The following PDZD9 variants were observed in gnomAD, a reference collection of about 807,000 sequenced individuals.
PDZD9 encodes the protein PDZ domain-containing protein 9.
In PDZD9, 13 loss-of-function variants were observed where a neutral mutation model predicts 16.3. The ratio of observed to expected loss-of-function variants is 0.80; its 90% confidence interval spans 0.52 to 1.27. The LOEUF (loss-of-function observed/expected upper bound fraction) is 1.27, where lower values mean the gene tolerates loss of function less well. Ranked by LOEUF, PDZD9 falls within the 50% of genes most tolerant of loss-of-function variation. The pLI, the probability that PDZD9 is intolerant of heterozygous loss-of-function variation, is 0.00. For missense variants in PDZD9, 288 were observed against 310.9 expected, an observed-to-expected ratio of 0.93 and a Z score of 0.55; for synonymous variants, 120 against 111.0, an observed-to-expected ratio of 1.08 and a Z score of -0.51.
chr16:21,984,813 T>C (rs1044054220), intron 3 of PDZD9, among the ~76,000 whole-genome samples, 153 bp from the exon 4 acceptor site: 5 of 152,248 alleles, frequency 3.3e-5, no homozygotes, highest in Non-Finnish European at 7.3e-5. Flanking sequence ...TTCTCTTTTT[T>C]AAATCGTCTT....
At chr16:21,968,743 C>G in the PDZD9 span, 1 of 1,492,108 alleles carries the variant, frequency 6.7e-7, no homozygotes, top group Non-Finnish European at 9.1e-7. Flanking sequence ...GTTCCTTAAA[C>G]TGTAATTACG....
rs1166052351 is a variant in PDZD9, at chr16:21,984,235, G to A, written c.*32C>T. On this transcript the variant is annotated 3_prime_UTR_variant, in exon 4 of 4. Transcript: ENST00000424898. ...GGTGAGGCACAAAACTTGGGTGTCT[G>A]CAAGATAAATGCTCATATGACCACA... The A allele has an allele frequency of 1.9e-6, 3 of 1,572,690 alleles. No homozygotes were observed. Among genetic ancestry groups the A allele is most frequent in the Non-Finnish European group, 2.6e-6 (3 of 1,157,544 alleles).
chr16:21,976,039 A>G, the PDZD9 span: 1 of 614,914 alleles, frequency 1.6e-6, no homozygotes, highest in Middle Eastern at 2.6e-4. Flanking sequence ...AGCATTCCGC[A>G]TGGACACTGT....
Position 21,988,688 on chromosome 16 carries a change from G to C in PDZD9, c.315C>G (p.Ile105Met), listed in dbSNP as rs983055520. The C allele has an allele frequency of 5.6e-6, 9 of 1,612,952 alleles. No individual in the cohort carries two copies. The highest frequency in any genetic ancestry group is 7.6e-6 in the Non-Finnish European group (9 of 1,179,142). The change falls in exon 3 of 4, where the codon ATC (isoleucine) becomes ATG (methionine). Residue 105 changes from isoleucine (I) to methionine (M), a missense_variant. Ile to Met is a conservative substitution (Grantham distance 10). Coordinates refer to ENST00000424898, the MANE Select transcript of PDZD9 (RefSeq NM_001363519.1). The part of the protein sequence containing the change: ...QHITIGTVLQ[I>M]KVYRDFINIP... ...TGTTAATAAAATCTCGGTAAACCTT[G>C]ATTTGTAGCACTGTTCCAATAGTGA...
At chr16:21,980,768 A>G, downstream of PDZD9, 1 of 1,573,622 alleles carries the variant, frequency 6.4e-7, no homozygotes, top group Non-Finnish European at 8.7e-7. Flanking sequence ...TTTCAGAAGG[A>G]TGCATAAGCG....
At chr16:21,963,729 A>G in the PDZD9 span, among the ~76,000 whole-genome samples, 1 of 152,064 alleles carries the variant, frequency 6.6e-6, no homozygotes, top group African/African-American at 2.4e-5. Context: ...TCAGCTTCCC[A>G]AAGTGCTGGG....
chr16:21,984,765 T>C, intron 3 of PDZD9, 105 bp from the exon 4 acceptor site: 1 of 803,404 alleles, frequency 1.2e-6, no homozygotes, highest in Non-Finnish European at 1.8e-6. Context: ...AAAGATACAA[T>C]TTAGCTTTAG....
the PDZD9 span, chr16:21,962,688 T>TA: frequency 6.2e-7 from 1 of 1,606,986 alleles, no homozygotes; most frequent in Non-Finnish European, 8.5e-7. Flanking sequence ...TTGAGAGCAT[T>TA]ACAGCTATGT....
chr16:21,992,094 TG>T (rs1899036755), intron 2 of PDZD9, among the ~76,000 whole-genome samples: 1 of 152,140 alleles, frequency 6.6e-6, no homozygotes, highest in African/African-American at 2.4e-5. Context: ...CCAGGTGAAG[TG>T]GCTCATGCCT....
downstream of PDZD9, chr16:21,980,638 T>C (rs369592066): frequency 1.7e-5 from 27 of 1,614,120 alleles, no homozygotes; most frequent in Non-Finnish European, 2.3e-5. Context: ...TGCTGGTTCT[T>C]ACATGCCACC....
In PDZD9 at chr16:21,988,714, T is replaced by C. The variant is rs1436608032; in HGVS notation, c.289A>G (p.Ile97Val). The C allele has an allele frequency of 9.3e-6, 15 of 1,613,020 alleles. No homozygotes were observed. The highest frequency in any genetic ancestry group is 1.3e-5 in the African/African-American group (1 of 74,892). Residue 97 changes from isoleucine (I) to valine (V), a missense_variant, in exon 3 of 4, where the codon ATC becomes GTC. By Grantham distance (29) the Ile-to-Val change is conservative. Transcript: ENST00000424898. ...LREFLQLLQH[I>V]TIGTVLQIKV... ...ATTTGTAGCACTGTTCCAATAGTGA[T>C]ATGTTGCAAAAGCTGTAAAAATTCT...
At chr16:21,983,254 A>G (rs1403378136), downstream of PDZD9, 6 of 1,250,790 alleles carry the variant, frequency 4.8e-6, no homozygotes, top group East Asian at 7.4e-5. Context: ...AGTCTCTAAT[A>G]TATCATTTGT....
intron 3 of PDZD9, among the ~76,000 whole-genome samples, chr16:21,988,003 CTTTTTTTTTTTTTT>C (rs773101505): frequency 9.9e-6 from 1 of 100,724 alleles, no homozygotes; most frequent in South Asian, 3.3e-4. Context: ...GCAAGAAGCA[CTTTTTTTTTTTTTT>C]TTTTTTTTTG....
Position 22,001,099 on chromosome 16 carries a change from GTCA to G in PDZD9, c.-55_-53del. 6.8e-7 allele frequency: 1 copy of G among 1,472,348 alleles called. No individual in the cohort carries two copies. Among genetic ancestry groups the G allele is most frequent in the Non-Finnish European group, 9.0e-7 (1 of 1,109,968 alleles). 91.2% of individuals were successfully genotyped at this position (1,472,348 alleles called of 1,614,324 possible). ...AGGGCCTCCCGGAGCAGAGGCTGGA[GTCA>G]GTCCCAATGCCAACAGTTTCGAACC... On this transcript the variant is annotated 5_prime_UTR_variant, in exon 1 of 4. Coordinates refer to ENST00000424898, the MANE Select transcript of PDZD9 (RefSeq NM_001363519.1).
the PDZD9 span, among the ~76,000 whole-genome samples, chr16:21,959,177 A>G: frequency 6.6e-6 from 1 of 152,184 alleles, no homozygotes; most frequent in Non-Finnish European, 1.5e-5. Flanking sequence ...AGTTTGCTGC[A>G]TTGATTGACT....
At chr16:21,979,740 A>G (rs1332119685), downstream of PDZD9, among the ~76,000 whole-genome samples, 1 of 152,210 alleles carries the variant, frequency 6.6e-6, no homozygotes, top group African/African-American at 2.4e-5. Flanking sequence ...CACTGTAAAC[A>G]TAGGCTACGC....
chr16:21,958,188 T>C, the PDZD9 span, among the ~76,000 whole-genome samples: 1 of 152,088 alleles, frequency 6.6e-6, no homozygotes, highest in Non-Finnish European at 1.5e-5. Context: ...TCCATATGAA[T>C]GTTGATGTTA....
At chr16:21,958,640 A>G in the PDZD9 span, 2 of 1,557,274 alleles carry the variant, frequency 1.3e-6, no homozygotes, top group African/African-American at 1.4e-5. Flanking sequence ...AAATGCCAGA[A>G]AATATTCAAT....
intron 2 of PDZD9, among the ~76,000 whole-genome samples, chr16:21,995,522 A>G (rs909832960): frequency 2.6e-5 from 4 of 152,066 alleles, no homozygotes; most frequent in African/African-American, 9.7e-5. Context: ...CCAGAATTAA[A>G]TGAATTAATA....
Sources: allele counts gnomAD v4.1 joint callset (sites outside exome capture counted in the v4.1 genomes callset), GRCh38; gene constraint gnomAD v4.1.1; transcripts MANE v1.5; gene names NCBI Gene and HGNC (gene_info 2026-07-23, HGNC 2026-07-21).